CEP350: variants seen among roughly 807,000 people sequenced by gnomAD.
CEP350 encodes the protein centrosomal protein 350.
In CEP350, 126 loss-of-function variants were observed where a neutral mutation model predicts 331.8. That is an observed-to-expected ratio of 0.38 (90% CI 0.33 to 0.44). CEP350 has a LOEUF of 0.44. Among genes scored for constraint, CEP350 ranks in the 20% least tolerant of loss-of-function variants. CEP350 has a pLI of 1.00. For synonymous variants in CEP350, 1,200 were observed against 1,259.5 expected, an observed-to-expected ratio of 0.95 and a Z score of 1.00; for missense variants, 3,406 against 3,634.6, an observed-to-expected ratio of 0.94 and a Z score of 1.62.
chr1:180,017,650 C>T (rs1036305413), intron 11 of CEP350, among the ~76,000 whole-genome samples: 2 of 152,170 alleles, frequency 1.3e-5, no homozygotes, highest in Admixed American at 6.5e-5. Context: ...TAACTTATTG[C>T]GTCCACTTTC....
In CEP350 at chr1:180,036,954, C is replaced by T; in HGVS notation, c.3975C>T (p.Leu1325=). 1 of 1,584,604 alleles carries T rather than the reference C, an allele frequency of 6.3e-7. No homozygotes were observed. The highest frequency in any genetic ancestry group is 1.2e-5 in the South Asian group (1 of 84,460). The part of the protein sequence containing the change: ...PGSKRFSPAG[L]HHRMAAELSY... ...CTAAGCGCTTTTCTCCTGCTGGCCT[C>T]CATCATCGTATGGCAGCAGAACTCA... The change falls in exon 17 of 38, where the codon CTC becomes CTT. Residue 1325 remains leucine (L), a synonymous_variant. Transcript: ENST00000367607.
intron 24 of CEP350, 32 bp from the exon 25 acceptor site, chr1:180,054,383 A>G: frequency 6.7e-7 from 1 of 1,489,368 alleles, no homozygotes; most frequent in Non-Finnish European, 9.2e-7. Flanking sequence ...ATTTAATCAA[A>G]TCTTTGTCTC....
intron 27 of CEP350, among the ~76,000 whole-genome samples, chr1:180,066,353 A>G (rs1446832269): frequency 6.6e-6 from 1 of 152,214 alleles, no homozygotes; most frequent in South Asian, 2.1e-4. Flanking sequence ...TACCATTTTA[A>G]ATTCGCAATT....
At chr1:180,024,616 T>C (rs1655547249) in intron 14 of CEP350, 34 bp downstream of exon 14, 10 of 1,567,604 alleles carry the variant, frequency 6.4e-6, no homozygotes, top group Non-Finnish European at 8.6e-6. Flanking sequence ...CTTTTTCTCT[T>C]ACCAATGATT....
chr1:180,110,476 G>A (rs1191513729), intron 37 of CEP350, among the ~76,000 whole-genome samples: 4 of 152,196 alleles, frequency 2.6e-5, no homozygotes, highest in Admixed American at 2.0e-4. Flanking sequence ...GATTCTGCCC[G>A]ACTGTAGACC....
rs566338984 is a variant in CEP350, at chr1:180,018,392, A to G, written c.2175-1557A>G. Among the ~76,000 whole-genome samples, 15 of 152,268 alleles carry G rather than the reference A, an allele frequency of 9.9e-5. No homozygotes were observed. The South Asian group carries it at 3.1e-3, about 32-fold the overall frequency. Reference sequence around the variant, plus strand: ...CCATCAACATATCACCTGCTATAAAATTGGCATTCTAAATACTTGAATTTA... The same window carrying G: ...CCATCAACATATCACCTGCTATAAAGTTGGCATTCTAAATACTTGAATTTA... On this transcript the variant is annotated intron_variant, in intron 11 of 37. Coordinates refer to ENST00000367607, the MANE Select transcript of CEP350 (RefSeq NM_014810.5).
At chr1:180,104,648 C>T (rs1365557643) in intron 37 of CEP350, among the ~76,000 whole-genome samples, 1 of 152,300 alleles carries the variant, frequency 6.6e-6, no homozygotes, top group East Asian at 1.9e-4. Flanking sequence ...CTCTCTTTCT[C>T]AGTCTCCCGC....
chr1:180,080,336 C>T (rs775291690), intron 29 of CEP350, among the ~76,000 whole-genome samples, 181 bp from the exon 30 acceptor site: 1 of 152,010 alleles, frequency 6.6e-6, no homozygotes, highest in African/African-American at 2.4e-5. Context: ...TAATTTGTAA[C>T]CTTTTTTTAA....
rs184272702 is a variant in CEP350, at chr1:180,085,129, C to T, written c.6285+951C>T. Among the ~76,000 whole-genome samples the T allele has an allele frequency of 9.3e-5, 14 of 150,668 alleles. No individual in the cohort carries two copies. The Admixed American group carries it at 9.3e-4, about 10-fold the overall frequency. On this transcript the variant is annotated intron_variant, in intron 31 of 37. Coordinates refer to ENST00000367607, the MANE Select transcript of CEP350 (RefSeq NM_014810.5). ...CTTTCCCCTTTCCCTTTCCCTTCCCCTTTCCCCTTCCCTTCCCTTATTTCA... is the reference window on the plus strand; with the variant it reads ...CTTTCCCCTTTCCCTTTCCCTTCCCTTTTCCCCTTCCCTTCCCTTATTTCA...
intron 7 of CEP350, among the ~76,000 whole-genome samples, chr1:180,004,880 TTG>T (rs1654115487): frequency 9.6e-5 from 7 of 72,672 alleles, no homozygotes; most frequent in South Asian, 1.2e-3. Context: ...GCTGGCTTGC[TTG>T]CTTGCTTGCT....
At chr1:180,025,073 C>T (rs372475572) in intron 14 of CEP350, among the ~76,000 whole-genome samples, 1 of 152,046 alleles carries the variant, frequency 6.6e-6, no homozygotes, top group African/African-American at 2.4e-5. Flanking sequence ...TACAGGCGCC[C>T]GCCACCGCAC....
chr1:180,006,590 TC>T, intron 8 of CEP350, 23 bp downstream of exon 8: 2 of 1,135,176 alleles, frequency 1.8e-6, no homozygotes, highest in Non-Finnish European at 2.6e-6. Context: ...AACATGTCCA[TC>T]CTTTTTTTTT....
intron 1 of CEP350, among the ~76,000 whole-genome samples, chr1:179,982,633 T>TTTC (rs1652362028): frequency 1.3e-5 from 2 of 152,212 alleles, no homozygotes; most frequent in African/African-American, 4.8e-5. Context: ...AAATTGATAA[T>TTTC]CACTATATAT....
chr1:180,049,097 CAACTT>C (rs960128309), intron 22 of CEP350, among the ~76,000 whole-genome samples: 3 of 152,184 alleles, frequency 2.0e-5, no homozygotes, highest in African/African-American at 2.4e-5. Flanking sequence ...AAGTGGCAAA[CAACTT>C]GACTGAAACT....
Position 180,024,497 on chromosome 1 carries a change from G to T in CEP350, c.3465G>T (p.Gln1155His). The change falls in exon 14 of 38, where the codon CAG (glutamine) becomes CAT (histidine). Residue 1155 changes from glutamine to histidine, a missense_variant. Gln to His is a conservative substitution (Grantham distance 24). Coordinates refer to ENST00000367607, the MANE Select transcript of CEP350 (RefSeq NM_014810.5). ...YDPSSVDVTS[Q>H]HSSGAQSAAS... ...CTTCCTCTGTGGATGTTACCTCCCAGCATTCATCAGGAGCCCAGTCTGCTG... is the reference window on the plus strand; with the variant it reads ...CTTCCTCTGTGGATGTTACCTCCCATCATTCATCAGGAGCCCAGTCTGCTG... The T allele has an allele frequency of 6.2e-7, 1 of 1,613,374 alleles. No individual in the cohort carries two copies. Among genetic ancestry groups the T allele is most frequent in the South Asian group, 1.1e-5 (1 of 91,048 alleles).
At chr1:180,064,390 A>AT in intron 26 of CEP350, among the ~76,000 whole-genome samples, 4 of 151,760 alleles carry the variant, frequency 2.6e-5, no homozygotes, top group Admixed American at 2.6e-4. Context: ...TCCAATGACT[A>AT]TAAGACTTAA....
At chr1:180,046,234 T>A (rs191531970) in intron 21 of CEP350, among the ~76,000 whole-genome samples, 1 of 152,342 alleles carries the variant, frequency 6.6e-6, no homozygotes, top group East Asian at 1.9e-4. Context: ...CCATTAGCAG[T>A]TACTCCCTAT....
chr1:179,961,594 A>G (rs1650629330), intron 1 of CEP350, among the ~76,000 whole-genome samples: 1 of 152,294 alleles, frequency 6.6e-6, no homozygotes, highest in East Asian at 1.9e-4. Context: ...GGTCATGACT[A>G]CACACTTGAT....
chr1:180,007,174 G>A (rs1372276370), intron 8 of CEP350, among the ~76,000 whole-genome samples: 2 of 152,162 alleles, frequency 1.3e-5, no homozygotes, highest in Non-Finnish European at 2.9e-5. Context: ...AGATTCTTGA[G>A]GAATTGCCAC....
Sources: allele counts gnomAD v4.1 joint callset (sites outside exome capture counted in the v4.1 genomes callset), GRCh38; gene constraint gnomAD v4.1.1; transcripts MANE v1.5; gene names NCBI Gene and HGNC (gene_info 2026-07-23, HGNC 2026-07-21).